The following ZNF362 variants were observed in gnomAD, a reference collection of about 807,000 sequenced individuals.
The protein encoded by ZNF362 is zinc finger protein 362.
A neutral mutation model predicts 42.9 loss-of-function variants in ZNF362; 11 were observed. That is an observed-to-expected ratio of 0.26 (90% CI 0.16 to 0.42). The LOEUF (loss-of-function observed/expected upper bound fraction) is 0.42, where lower values mean the gene tolerates loss of function less well. Ranked by LOEUF, ZNF362 falls within the 20% of genes least tolerant of loss-of-function variation. The probability of loss-of-function intolerance (pLI) is 1.00; values close to 1 mark genes in which losing one functional copy is unlikely to be tolerated. For missense variants in ZNF362, 362 were observed against 576.2 expected (o/e 0.63, Z 3.81); for synonymous variants, 255 against 257.3 (o/e 0.99, Z 0.09).
chr1:33,194,238 G>A, the ZNF362 span, among the ~76,000 whole-genome samples: 4 of 152,112 alleles, frequency 2.6e-5, no homozygotes, highest in South Asian at 6.2e-4. Flanking sequence ...TAATAGTATG[G>A]AATATTAGTG....
the ZNF362 span, among the ~76,000 whole-genome samples, chr1:33,171,844 C>T: frequency 2.0e-5 from 3 of 152,048 alleles, no homozygotes; most frequent in African/African-American, 7.3e-5. Context: ...TGTAGTGGTG[C>T]GATCTTGGCT....
chr1:33,165,311 C>T, the ZNF362 span: 1 of 610,618 alleles, frequency 1.6e-6, no homozygotes, highest in Non-Finnish European at 2.8e-6. The surrounding 1 kb of genome is among the most constrained non-coding windows in gnomAD (Gnocchi z 4.0). Context: ...GATGCCCTAC[C>T]CTCTTCCCCA....
the ZNF362 span, among the ~76,000 whole-genome samples, chr1:33,214,188 A>G: frequency 6.6e-6 from 1 of 152,236 alleles, no homozygotes; most frequent in African/African-American, 2.4e-5. Flanking sequence ...AAAAATTCCT[A>G]TGGGACATCT....
the ZNF362 span, among the ~76,000 whole-genome samples, chr1:33,134,163 G>GT: frequency 6.6e-6 from 1 of 152,230 alleles, no homozygotes. Flanking sequence ...GCCCAGCCCC[G>GT]TAAGACACCA....
At chr1:33,174,057 C>A in the ZNF362 span, among the ~76,000 whole-genome samples, 4 of 152,172 alleles carry the variant, frequency 2.6e-5, no homozygotes, top group Non-Finnish European at 5.9e-5. Flanking sequence ...ACCTTATCAT[C>A]TTTACCATTT....
chr1:33,267,470 T>G (rs983122699), intron 1 of ZNF362, among the ~76,000 whole-genome samples: 2 of 152,216 alleles, frequency 1.3e-5, no homozygotes, highest in East Asian at 3.8e-4. Flanking sequence ...ATTTCCCCCC[T>G]GACTATTGTT....
chr1:33,277,437 G>A (rs1025758187), intron 4 of ZNF362, among the ~76,000 whole-genome samples: 1 of 152,206 alleles, frequency 6.6e-6, no homozygotes, highest in Admixed American at 6.5e-5. Flanking sequence ...GGGCCCTGTA[G>A]GCCACACAGT....
the ZNF362 span, chr1:33,143,025 C>G: frequency 2.6e-5 from 4 of 152,218 alleles, no homozygotes; most frequent in Non-Finnish European, 4.4e-5. Context: ...TCATTTTTAT[C>G]TGTCCTGGGT....
the ZNF362 span, chr1:33,160,054 G>A: frequency 4.3e-6 from 6 of 1,392,558 alleles, no homozygotes; most frequent in Admixed American, 2.2e-5. Flanking sequence ...GGGTGGGAAA[G>A]GGCACGCGTG....
chr1:33,275,302 G>T lies in ZNF362; in HGVS notation c.39-798G>T, dbSNP rs1369614623. 4 of 985,234 alleles carry T rather than the reference G, an allele frequency of 4.1e-6. No individual in the cohort carries two copies. The South Asian group carries it at 1.4e-4, about 35-fold the overall frequency. The allele number at this position is 985,234 out of a possible 1,614,324, so 61.0% of individuals were successfully genotyped here. ...CCCTGGTTGAAAAGGCCTTCTAACCGCACAGGCCTGCCATGGAACTTGCCA... is the reference window on the plus strand; with the variant it reads ...CCCTGGTTGAAAAGGCCTTCTAACCTCACAGGCCTGCCATGGAACTTGCCA... On this transcript the variant is annotated intron_variant, in intron 2 of 8. Transcript: ENST00000539719.
chr1:33,199,082 T>G, the ZNF362 span, among the ~76,000 whole-genome samples: 1 of 152,044 alleles, frequency 6.6e-6, no homozygotes, highest in South Asian at 2.1e-4. Context: ...TGGAGTCCCT[T>G]AAGGAGAGAA....
At chr1:33,277,368 ACT>A (rs1277576162) in intron 4 of ZNF362, among the ~76,000 whole-genome samples, 1 of 152,148 alleles carries the variant, frequency 6.6e-6, no homozygotes, top group East Asian at 1.9e-4. Context: ...CTGTATCTTC[ACT>A]CTGTTTTGAT....
chr1:33,187,964 G>A, the ZNF362 span, among the ~76,000 whole-genome samples: 3 of 152,186 alleles, frequency 2.0e-5, no homozygotes, highest in Non-Finnish European at 2.9e-5. Flanking sequence ...GGCAGGGTGT[G>A]ATGGCTCACG....
At chr1:33,151,242 G>A in the ZNF362 span, among the ~76,000 whole-genome samples, 1 of 152,140 alleles carries the variant, frequency 6.6e-6, no homozygotes, top group Non-Finnish European at 1.5e-5. Flanking sequence ...TGTGCTGCTT[G>A]AAGCCCAGGG....
the ZNF362 span, chr1:33,147,055 T>G: frequency 9.6e-7 from 1 of 1,036,846 alleles, no homozygotes; most frequent in Admixed American, 2.5e-5. This position sits in a 1 kb window ranked among gnomAD's most constrained non-coding sequence, Gnocchi z 8.1. Flanking sequence ...GGCTGGAGGG[T>G]AAACAACTGG....
chr1:33,147,518 A>G, the ZNF362 span: 2 of 1,613,602 alleles, frequency 1.2e-6, no homozygotes, highest in Admixed American at 3.3e-5. The surrounding 1 kb of genome is among the most constrained non-coding windows in gnomAD (Gnocchi z 8.1). Flanking sequence ...CCGATCACCC[A>G]CTGGGTCTTC....
At chr1:33,188,985 C>T in the ZNF362 span, among the ~76,000 whole-genome samples, 1 of 152,200 alleles carries the variant, frequency 6.6e-6, no homozygotes, top group East Asian at 1.9e-4. Context: ...TTGCTCTTCA[C>T]GAGTCCCTGA....
the ZNF362 span, among the ~76,000 whole-genome samples, chr1:33,175,549 A>G: frequency 6.6e-6 from 1 of 152,150 alleles, no homozygotes; most frequent in South Asian, 2.1e-4. Flanking sequence ...TGTCAACCAG[A>G]TGGTTTCTCA....
chr1:33,135,334 G>A, the ZNF362 span, among the ~76,000 whole-genome samples: 2 of 152,158 alleles, frequency 1.3e-5, no homozygotes, highest in South Asian at 2.1e-4. Flanking sequence ...ACCCAGGTCC[G>A]CATGCTGCCA....
Sources: gnomAD v4.1 joint callset for allele counts (sites outside exome capture counted in the v4.1 genomes callset) on GRCh38, gnomAD v4.1.1 for gene constraint, Gnocchi (gnomAD v3.1) non-coding constraint, MANE v1.5 for transcripts, NCBI Gene and HGNC (gene_info 2026-07-23, HGNC 2026-07-21) for gene names.